The following IMPA2 variants were observed in gnomAD, a reference collection of about 807,000 sequenced individuals.
IMPA2 encodes the protein IMP 2.
IMPA2 carries 32 observed loss-of-function variants against 35.1 expected under a neutral mutation model. The ratio of observed to expected loss-of-function variants is 0.91; its 90% confidence interval spans 0.69 to 1.23. The LOEUF (loss-of-function observed/expected upper bound fraction) is 1.23. Among genes scored for constraint, IMPA2 ranks in the 50% most tolerant of loss-of-function variants. IMPA2 has a pLI of 0.00. For synonymous variants in IMPA2, 135 were observed against 160.6 expected (o/e 0.84, Z 1.20); for missense variants, 334 against 387.6 (o/e 0.86, Z 1.16).
chr18:12,019,291 G>C (rs1262904756), intron 5 of IMPA2, among the ~76,000 whole-genome samples: 1 of 151,922 alleles, frequency 6.6e-6, no homozygotes. Flanking sequence ...GTCTCACTCT[G>C]TTGCCCAGGC....
intron 6 of IMPA2, 56 bp downstream of exon 6, chr18:12,028,207 G>A (rs569668631): frequency 1.7e-6 from 2 of 1,197,748 alleles, no homozygotes; most frequent in South Asian, 1.2e-5. Context: ...AACGGAACAC[G>A]GACTTGCTAA....
At position 12,009,863 on chromosome 18, in the gene IMPA2, G is replaced by C. The variant is rs749359437; in HGVS notation, c.231-20G>C. ...CTGTGTCCTTGGTGCATTTTCTCAG[G>C]CTGGGTTCTTCCACTGCAGGTTCAT... On this transcript the variant is annotated intron_variant, in intron 2 of 7. Coordinates refer to ENST00000269159, the MANE Select transcript of IMPA2 (RefSeq NM_014214.3). The C allele has an allele frequency of 1.9e-6, 3 of 1,599,418 alleles. No individual in the cohort carries two copies. In the South Asian group the frequency reaches 3.3e-5, roughly 18 times the overall value.
chr18:11,998,915 T>C (rs1907031871), intron 1 of IMPA2, 139 bp from the exon 2 acceptor site: 2 of 165,310 alleles, frequency 1.2e-5, no homozygotes, highest in African/African-American at 6.5e-5. Context: ...GAGCCACACC[T>C]GCTGCCCCCG....
chr18:11,987,475 C>CA (rs1302435400), intron 1 of IMPA2, among the ~76,000 whole-genome samples: 2 of 152,284 alleles, frequency 1.3e-5, no homozygotes, highest in Middle Eastern at 3.4e-3. Flanking sequence ...GGTCTACAGG[C>CA]ATGCGCCACC....
At chr18:12,014,456 G>A (rs1220994885) in intron 5 of IMPA2, 83 bp downstream of exon 5, 8 of 768,412 alleles carry the variant, frequency 1.0e-5, no homozygotes, top group African/African-American at 5.3e-5. Flanking sequence ...GATGTGGGAC[G>A]GTGGTGGAGG....
intron 1 of IMPA2, chr18:11,994,498 C>T (rs1482566443): frequency 6.6e-6 from 1 of 152,360 alleles, no homozygotes; most frequent in Non-Finnish European, 1.5e-5. Context: ...TTGCAGCATT[C>T]TCCAAGCTGC....
intron 1 of IMPA2, among the ~76,000 whole-genome samples, chr18:11,997,760 A>G (rs1230280297): frequency 6.6e-6 from 1 of 152,188 alleles, no homozygotes. Flanking sequence ...TCCTTTTGAG[A>G]GAAATACAGG....
chr18:12,025,746 A>C (rs919321511), intron 5 of IMPA2, among the ~76,000 whole-genome samples: 1 of 151,720 alleles, frequency 6.6e-6, no homozygotes, highest in African/African-American at 2.4e-5. Flanking sequence ...TACCCGGCTA[A>C]TTTTTGTATT....
chr18:12,030,435 T>C lies in IMPA2; in HGVS notation c.844T>C (p.Tyr282His). The C allele has an allele frequency of 3.7e-6, 6 of 1,614,128 alleles. No individual in the cohort carries two copies. Among genetic ancestry groups the C allele is most frequent in the Non-Finnish European group, 5.1e-6 (6 of 1,179,970 alleles). ...LIAQALQTIN[Y>H]GRDDEK The stretch of plus-strand genomic sequence containing the variant: ...AGCTCAGGCCTTACAGACGATTAAC[T>C]ATGGGCGGGATGATGAGAAGTGACT... The change falls in exon 8 of 8, where the codon TAT (tyrosine) becomes CAT (histidine). Residue 282 changes from tyrosine to histidine, a missense_variant. Transcript: ENST00000269159.
chr18:12,021,936 G>A (rs1409676637), intron 5 of IMPA2: 4 of 152,120 alleles, frequency 2.6e-5, no homozygotes, highest in Admixed American at 6.5e-5. Context: ...CCAAACTGTC[G>A]GAAGTCACTG....
intron 5 of IMPA2, among the ~76,000 whole-genome samples, chr18:12,022,308 G>C (rs905165071): frequency 6.6e-6 from 1 of 151,904 alleles, no homozygotes; most frequent in African/African-American, 2.4e-5. Context: ...GAGGTGGGTG[G>C]ATCAGTTGAG....
chr18:12,003,626 G>A (rs1050068208), intron 2 of IMPA2, among the ~76,000 whole-genome samples: 2 of 149,180 alleles, frequency 1.3e-5, no homozygotes, highest in Non-Finnish European at 3.0e-5. Flanking sequence ...ACTCCAGCCT[G>A]GGCATCTCAG....
At chr18:12,011,981 C>A (rs574605480) in intron 3 of IMPA2, among the ~76,000 whole-genome samples, 189 bp from the exon 4 acceptor site, 2 of 152,362 alleles carry the variant, frequency 1.3e-5, no homozygotes, top group East Asian at 3.9e-4. Flanking sequence ...AACTGTCTTA[C>A]GACATGGTCA....
Position 11,991,170 on chromosome 18 carries a change from G to C in IMPA2, c.97-7884G>C, listed in dbSNP as rs369976988. On this transcript the variant is annotated intron_variant, in intron 1 of 7. Coordinates refer to ENST00000269159, the MANE Select transcript of IMPA2 (RefSeq NM_014214.3). The surrounding 1 kb of genome is among the most constrained non-coding windows in gnomAD (Gnocchi z 4.1). ...GGAGGAAAGCCACGAGGGGAGGCAG[G>C]GGCCACAGGCCACGGGCCCTGGAAC... 6.6e-6 allele frequency among the ~76,000 whole-genome samples: 1 copy of C among 152,328 alleles called. No homozygotes were observed. The highest frequency in any genetic ancestry group is 1.9e-4 in the East Asian group (1 of 5,180).
At chr18:12,007,647 CTTTCTTTCTTTCTTTCTTTCTTT>C (rs1568032900) in intron 2 of IMPA2, among the ~76,000 whole-genome samples, 1 of 101,766 alleles carries the variant, frequency 9.8e-6, no homozygotes, top group East Asian at 2.8e-4. Context: ...TTCTTTCTTT[CTTTCTTTCTTTCTTTCTTTCTTT>C]CTTTCTTTCC....
chr18:12,008,410 A>G (rs533530212), intron 2 of IMPA2: 1 of 517,674 alleles, frequency 1.9e-6, no homozygotes, highest in South Asian at 1.4e-5. Context: ...CCACATAGTC[A>G]TGCACAGAAC....
intron 1 of IMPA2, among the ~76,000 whole-genome samples, chr18:11,982,496 CTT>C (rs902964517): frequency 6.6e-6 from 1 of 152,118 alleles, no homozygotes; most frequent in Non-Finnish European, 1.5e-5. Flanking sequence ...ATGTTTGTCT[CTT>C]AGGATGTGAT....
Position 11,981,600 on chromosome 18 carries a change from C to CGGCGGGAT in IMPA2, c.-69_-62dup, listed in dbSNP as rs1390495064. ...GGGAGTGTGGAGCCTGGCGGCGGGA[C>CGGCGGGAT]GGCGGGATCCGGTGGGAGCCGGAGT... On this transcript the variant is annotated 5_prime_UTR_variant, in exon 1 of 8. In the 5' UTR this introduces an upstream ATG that the reference lacks. Transcript: ENST00000269159. 7 of 1,052,510 alleles carry CGGCGGGAT rather than the reference C, an allele frequency of 6.7e-6. No individual in the cohort carries two copies. The East Asian group carries it at 2.3e-4, about 35-fold the overall frequency. 65.2% of individuals were successfully genotyped at this position (1,052,510 alleles called of 1,614,324 possible).
Position 12,010,052 on chromosome 18 carries a change from T to C in IMPA2, c.335+65T>C. On this transcript the variant is annotated intron_variant, in intron 3 of 7. Transcript: ENST00000269159. The surrounding 1 kb of genome is among the most constrained non-coding windows in gnomAD (Gnocchi z 4.8). ...ATGTCCTCTTCTGTGAGGTTTTGTCTTTTCAAAAGCAGCATTTTTTAAGGC... is the reference window on the plus strand; with the variant it reads ...ATGTCCTCTTCTGTGAGGTTTTGTCCTTTCAAAAGCAGCATTTTTTAAGGC... 7.8e-7 allele frequency: 1 copy of C among 1,286,036 alleles called. No homozygotes were observed. The highest frequency in any genetic ancestry group is 1.1e-6 in the Non-Finnish European group (1 of 890,574). The allele number at this position is 1,286,036 out of a possible 1,614,324, so 79.7% of individuals were successfully genotyped here.
Sources: gnomAD v4.1 joint callset for allele counts (sites outside exome capture counted in the v4.1 genomes callset) on GRCh38, gnomAD v4.1.1 for gene constraint, Gnocchi (gnomAD v3.1) non-coding constraint, MANE v1.5 for transcripts, NCBI Gene and HGNC (gene_info 2026-07-23, HGNC 2026-07-21) for gene names.